Variants in TESPA1 observed in about 807,000 individuals in gnomAD.
The protein encoded by TESPA1 is protein TESPA1.
Under a neutral mutation model 57.9 loss-of-function variants are expected in TESPA1, and 33 were observed. The ratio of observed to expected loss-of-function variants is 0.57; its 90% CI spans 0.43 to 0.76. The LOEUF (loss-of-function observed/expected upper bound fraction) is 0.76, where lower values mean the gene tolerates loss of function less well. Among genes scored for constraint, TESPA1 ranks in the 30% least tolerant of loss-of-function variants. The pLI is 0.00. For missense variants in TESPA1, 618 were observed against 632.9 expected (o/e 0.98, Z 0.25); for synonymous variants, 227 against 228.9 (o/e 0.99, Z 0.07).
chr12:54,966,329 C>T (rs746900569), intron 6 of TESPA1, 59 bp downstream of exon 6: 3 of 1,610,090 alleles, frequency 1.9e-6, no homozygotes, highest in Admixed American at 1.7e-5. Context: ...CTTTGACCTA[C>T]CCCAATTCAC....
chr12:54,979,143 C>T (rs1240934095), intron 1 of TESPA1, among the ~76,000 whole-genome samples: 2 of 152,162 alleles, frequency 1.3e-5, no homozygotes, highest in East Asian at 1.9e-4. Flanking sequence ...CCTTTGTTGA[C>T]ATAACATAAG....
intron 1 of TESPA1, 118 bp from the exon 2 acceptor site, chr12:54,974,725 T>C (rs1339484616): frequency 4.7e-6 from 3 of 640,804 alleles, no homozygotes; most frequent in Non-Finnish European, 6.8e-6. Context: ...TCTCTGACCA[T>C]TCAAAAGCAG....
chr12:54,969,120 T>C (rs1951662605), intron 3 of TESPA1, among the ~76,000 whole-genome samples: 1 of 149,574 alleles, frequency 6.7e-6, no homozygotes, highest in Non-Finnish European at 1.5e-5. Flanking sequence ...AAATCAACCA[T>C]GTTTACCAAA....
chr12:54,979,457 C>T (rs963407954), intron 1 of TESPA1, among the ~76,000 whole-genome samples: 4 of 152,232 alleles, frequency 2.6e-5, no homozygotes, highest in Admixed American at 1.3e-4. Flanking sequence ...CATGTCCCCC[C>T]TCTGCTACCA....
chr12:54,953,522 C>CTTTTTTTTTTTTTTT lies in TESPA1; in HGVS notation c.*2-3133_*2-3132insAAAAAAAAAAAAAAA, dbSNP rs1178610425. Among the ~76,000 whole-genome samples the CTTTTTTTTTTTTTTT allele has an allele frequency of 1.5e-5, 2 of 135,374 alleles. 1 individual carries two copies. The highest frequency in any genetic ancestry group is 5.8e-4 in the East Asian group (2 of 3,460). The allele number at this position is 135,374 out of a possible 152,430, so 88.8% of individuals were successfully genotyped here. A position where few individuals can be genotyped will look rare whatever the true frequency, so the allele number is the denominator to read the frequency against. ...CCTTCTCTACATCTTTTTTTATTTA[C>CTTTTTTTTTTTTTTT]TTTTTTTTTTTTTGAGACGGAGTCT... On this transcript the variant is annotated intron_variant, in intron 10 of 10. Transcript: ENST00000449076.
At chr12:54,957,415 GA>G (rs1950800999) in intron 10 of TESPA1, among the ~76,000 whole-genome samples, 2 of 152,168 alleles carry the variant, frequency 1.3e-5, no homozygotes, top group African/African-American at 4.8e-5. Flanking sequence ...CAGCAGAACT[GA>G]AAAAAATTAT....
chr12:54,952,350 T>A (rs1234468871), intron 10 of TESPA1, among the ~76,000 whole-genome samples: 1 of 152,236 alleles, frequency 6.6e-6, no homozygotes, highest in African/African-American at 2.4e-5. Flanking sequence ...AATGAAGACA[T>A]GAACCTCTTT....
At chr12:54,980,057 G>A (rs1029234315) in intron 1 of TESPA1, among the ~76,000 whole-genome samples, 1 of 152,000 alleles carries the variant, frequency 6.6e-6, no homozygotes, top group African/African-American at 2.4e-5. Flanking sequence ...ACTCAAGTTG[G>A]TCTGACTCCA....
intron 1 of TESPA1, among the ~76,000 whole-genome samples, chr12:54,981,602 C>T (rs1259694416): frequency 6.6e-6 from 1 of 151,852 alleles, no homozygotes. Flanking sequence ...TCTTTCTTAC[C>T]TAATTCCCAA....
intron 1 of TESPA1, among the ~76,000 whole-genome samples, chr12:54,976,764 C>T (rs983212750): frequency 6.6e-6 from 1 of 152,182 alleles, no homozygotes; most frequent in Non-Finnish European, 1.5e-5. Context: ...TCCAGAATCT[C>T]ACTAACTGAA....
At chr12:54,972,494 G>C (rs1951895862) in intron 3 of TESPA1, among the ~76,000 whole-genome samples, 1 of 152,072 alleles carries the variant, frequency 6.6e-6, no homozygotes, top group African/African-American at 2.4e-5. Flanking sequence ...CTCATCCTAG[G>C]CTTCTCACCC....
chr12:54,975,419 A>G (rs1952095245), intron 1 of TESPA1, among the ~76,000 whole-genome samples: 1 of 152,196 alleles, frequency 6.6e-6, no homozygotes, highest in African/African-American at 2.4e-5. Context: ...TCCAAGAGAC[A>G]CAATGATGGC....
In TESPA1 at chr12:54,963,848, G is replaced by T; in HGVS notation, c.549C>A (p.Ala183=). ...EDHKDTSRIP[A]RFFTTPSQAK... is the part of the protein sequence containing the mutation. ...CCTGAGAGGGGGTGGTGAAAAATCGGGCGGGTATCCGAGAAGTGTCTTTGT... is the reference window on the plus strand; with the variant it reads ...CCTGAGAGGGGGTGGTGAAAAATCGTGCGGGTATCCGAGAAGTGTCTTTGT... The change falls in exon 8 of 11, where the codon GCC becomes GCA. Residue 183 remains alanine (A), a synonymous_variant. Coordinates refer to ENST00000449076, the MANE Select transcript of TESPA1 (RefSeq NM_001136030.3). The T allele has an allele frequency of 6.2e-7, 1 of 1,613,980 alleles. No homozygotes were observed. Among genetic ancestry groups the T allele is most frequent in the South Asian group, 1.1e-5 (1 of 91,082 alleles).
chr12:54,981,614 G>T (rs1952327438), intron 1 of TESPA1, among the ~76,000 whole-genome samples: 1 of 151,860 alleles, frequency 6.6e-6, no homozygotes, highest in African/African-American at 2.4e-5. Context: ...AATTCCCAAA[G>T]GGACCAGAGA....
chr12:54,961,568 G>A (rs906677593), intron 9 of TESPA1, among the ~76,000 whole-genome samples: 21 of 152,222 alleles, frequency 1.4e-4, no homozygotes, highest in African/African-American at 5.1e-4. Flanking sequence ...ATAGACCCAG[G>A]CGAGAGGAGT....
chr12:54,979,013 C>T (rs1481277375), intron 1 of TESPA1, among the ~76,000 whole-genome samples: 1 of 152,216 alleles, frequency 6.6e-6, no homozygotes, highest in Non-Finnish European at 1.5e-5. Context: ...GGGAAATTAT[C>T]CCCAATTAGT....
At chr12:54,963,664 G>A in intron 8 of TESPA1, 78 bp downstream of exon 8, 1 of 1,470,494 alleles carries the variant, frequency 6.8e-7, no homozygotes, top group East Asian at 2.5e-5. Context: ...GAGAAAGCAG[G>A]ATTTGAAGCC....
rs1258859557 is a variant in TESPA1, at chr12:54,963,036, A to T, written c.862T>A (p.Ser288Thr). The change falls in exon 9 of 11, where the codon TCC (serine) becomes ACC (threonine). Residue 288 changes from serine (S) to threonine (T), a missense_variant. By Grantham distance (58) the Ser-to-Thr change is moderately conservative (BLOSUM62 1). Coordinates refer to ENST00000449076, the MANE Select transcript of TESPA1 (RefSeq NM_001136030.3). ...GGGCATGTGTACAGACACATCTTGG[A>T]GATGGCTTTCCGAAGGCGGTCTCTG... ...SPRDRLRKAI[S>T]KMCLYTCPRD... The T allele has an allele frequency of 6.2e-7, 1 of 1,613,690 alleles. No individual in the cohort carries two copies. Among genetic ancestry groups the T allele is most frequent in the African/African-American group, 1.3e-5 (1 of 74,950 alleles).
chr12:54,950,248 C>G lies in TESPA1; in HGVS notation c.*144G>C. ...TCCCCATGTACCATGCTGCCTTTCT[C>G]CTGCAGAGTTTGGGGGTTTGGAGGA... On this transcript the variant is annotated 3_prime_UTR_variant, in exon 11 of 11. Coordinates refer to ENST00000449076, the MANE Select transcript of TESPA1 (RefSeq NM_001136030.3). 2.2e-6 allele frequency: 1 copy of G among 456,556 alleles called. No individual in the cohort carries two copies. Among genetic ancestry groups the G allele is most frequent in the Non-Finnish European group, 4.4e-6 (1 of 226,958 alleles). 28.3% of individuals were successfully genotyped at this position (456,556 alleles called of 1,614,324 possible).
Sources: gnomAD v4.1 joint callset for allele counts (sites outside exome capture counted in the v4.1 genomes callset) on GRCh38, gnomAD v4.1.1 for gene constraint, MANE v1.5 for transcripts, NCBI Gene and HGNC (gene_info 2026-07-23, HGNC 2026-07-21) for gene names.